OR5D14: variants seen among roughly 807,000 people sequenced by gnomAD.
The protein encoded by OR5D14 is olfactory receptor family 5 subfamily D member 14.
For synonymous variants in OR5D14, 187 were observed against 138.2 expected, an observed-to-expected ratio of 1.35 and a Z score of -2.48; for missense variants, 466 against 375.5, an observed-to-expected ratio of 1.24 and a Z score of -1.99.
Position 55,796,183 on chromosome 11 carries a change from A to G in OR5D14, c.628A>G (p.Met210Val), listed in dbSNP as rs1221422764. The G allele has an allele frequency of 3.1e-6, 5 of 1,613,826 alleles. No individual in the cohort carries two copies. Among genetic ancestry groups the G allele is most frequent in the Non-Finnish European group, 8.5e-7 (1 of 1,179,972 alleles). ...TTTCAGCTTCGCCACCTTCAATGAG[A>G]TGTGTACACTACTGATCATCCTCAC... ...LLFSFATFNE[M>V]CTLLIILTSY... The change falls in exon 1 of 1, where the codon ATG becomes GTG. Residue 210 changes from methionine to valine, a missense_variant. Transcript: ENST00000335605.
At position 55,795,630 on chromosome 11, in the gene OR5D14, T is replaced by G. The variant is rs1472084533; in HGVS notation, c.75T>G (p.Leu25=). 6.2e-7 allele frequency: 1 copy of G among 1,612,532 alleles called. No homozygotes were observed. Among genetic ancestry groups the G allele is most frequent in the Non-Finnish European group, 8.5e-7 (1 of 1,179,494 alleles). The change falls in exon 1 of 1, where the codon CTT becomes CTG. Residue 25 remains leucine, a synonymous_variant. Transcript: ENST00000335605. ...ALLGFTDYPK[L]QIPLFLVFLL... is the part of the protein sequence containing the mutation. ...TAGGTTTCACAGATTACCCAAAGCT[T>G]CAGATTCCTCTCTTCCTTGTGTTTC...
In OR5D14 at chr11:55,795,593, C is replaced by T. The variant is rs1187904282; in HGVS notation, c.38C>T (p.Thr13Ile). 6.2e-7 allele frequency: 1 copy of T among 1,609,574 alleles called. No homozygotes were observed. The highest frequency in any genetic ancestry group is 8.5e-7 in the Non-Finnish European group (1 of 1,178,164). Residue 13 changes from threonine to isoleucine, a missense_variant, in exon 1 of 1, where the codon ACC becomes ATC. Coordinates refer to ENST00000335605, the MANE Select transcript of OR5D14 (RefSeq NM_001004735.1). ...MVLRNLSMEP[T>I]FALLGFTDYP... ...TTAAGGAATCTGAGCATGGAGCCCA[C>T]CTTTGCCCTTTTAGGTTTCACAGAT...
rs763809695 is a variant in OR5D14, at chr11:55,795,738, G to A, written c.183G>A (p.Met61Ile). ...TTAACCCCAAATTTCACACTCCTAT[G>A]TACTTTTTCCTTAGTCACCTCTCTT... ...IKINPKFHTP[M>I]YFFLSHLSFV... Residue 61 changes from methionine to isoleucine, a missense_variant, in exon 1 of 1, where the codon ATG becomes ATA. By Grantham distance (10) the Met-to-Ile change is conservative (BLOSUM62 1). Transcript: ENST00000335605. 1.5e-5 allele frequency: 24 copies of A among 1,613,330 alleles called. No homozygotes were observed. The highest frequency in any genetic ancestry group is 7.7e-5 in the South Asian group (7 of 91,082).
rs145892725 is a variant in OR5D14, at chr11:55,795,926, G to C, written c.371G>C (p.Arg124Pro). The C allele has an allele frequency of 3.1e-6, 5 of 1,613,674 alleles. No individual in the cohort carries two copies. Among genetic ancestry groups the C allele is most frequent in the Non-Finnish European group, 4.2e-6 (5 of 1,179,970 alleles). Residue 124 changes from arginine (R) to proline (P), a missense_variant, in exon 1 of 1, where the codon CGC becomes CCC. Physicochemically the swap from Arg to Pro is moderately radical, Grantham distance 103 (BLOSUM62 -2). Coordinates refer to ENST00000335605, the MANE Select transcript of OR5D14 (RefSeq NM_001004735.1). ...TTGCTGGCAGTGATGGCCTATGACC[G>C]CTTTGTGGCCATCTGCAATCCTCTG... ...SFLLAVMAYD[R>P]FVAICNPLLY...
In OR5D14 at chr11:55,795,749, T is replaced by G; in HGVS notation, c.194T>G (p.Leu65Arg). 6.2e-7 allele frequency: 1 copy of G among 1,613,450 alleles called. No individual in the cohort carries two copies. Among genetic ancestry groups the G allele is most frequent in the Non-Finnish European group, 8.5e-7 (1 of 1,179,622 alleles). Reference sequence around the variant, plus strand: ...TTTCACACTCCTATGTACTTTTTCCTTAGTCACCTCTCTTTTGTTGATTTT... The same window carrying G: ...TTTCACACTCCTATGTACTTTTTCCGTAGTCACCTCTCTTTTGTTGATTTT... ...PKFHTPMYFFLSHLSFVDFCY... is the reference protein window; with the variant it reads ...PKFHTPMYFFRSHLSFVDFCY... The change falls in exon 1 of 1, where the codon CTT becomes CGT. Residue 65 changes from leucine to arginine, a missense_variant. Coordinates refer to ENST00000335605, the MANE Select transcript of OR5D14 (RefSeq NM_001004735.1).
Position 55,795,718 on chromosome 11 carries a change from C to A in OR5D14, c.163C>A (p.Pro55Thr), listed in dbSNP as rs539463555. Residue 55 changes from proline to threonine, a missense_variant, in exon 1 of 1, where the codon CCC becomes ACC. Coordinates refer to ENST00000335605, the MANE Select transcript of OR5D14 (RefSeq NM_001004735.1). ...GATGATCATAATAATCAAGATTAAC[C>A]CCAAATTTCACACTCCTATGTACTT... ...LGMIIIIKIN[P>T]KFHTPMYFFL... 1 of 1,613,300 alleles carries A rather than the reference C, an allele frequency of 6.2e-7. No individual in the cohort carries two copies. The highest frequency in any genetic ancestry group is 1.3e-5 in the African/African-American group (1 of 74,818).
At position 55,795,874 on chromosome 11, in the gene OR5D14, T is replaced by C; in HGVS notation, c.319T>C (p.Cys107Arg). ...CTGCATGATGCAGTACTTCCTGTCCTGCACTGCTGTGGTGACAGAGTCTTT... is the reference window on the plus strand; with the variant it reads ...CTGCATGATGCAGTACTTCCTGTCCCGCACTGCTGTGGTGACAGAGTCTTT... ...FSCMMQYFLS[C>R]TAVVTESFLL... The change falls in exon 1 of 1, where the codon TGC (cysteine) becomes CGC (arginine). Residue 107 changes from cysteine (C) to arginine (R), a missense_variant. Physicochemically the swap from Cys to Arg is radical, Grantham distance 180. Coordinates refer to ENST00000335605, the MANE Select transcript of OR5D14 (RefSeq NM_001004735.1). 1 of 1,613,896 alleles carries C rather than the reference T, an allele frequency of 6.2e-7. No individual in the cohort carries two copies. The highest frequency in any genetic ancestry group is 8.5e-7 in the Non-Finnish European group (1 of 1,179,924).
chr11:55,796,283 G>T lies in OR5D14; in HGVS notation c.728G>T (p.Trp243Leu), dbSNP rs757470649. 1 of 1,613,520 alleles carries T rather than the reference G, an allele frequency of 6.2e-7. No individual in the cohort carries two copies. The highest frequency in any genetic ancestry group is 1.1e-5 in the South Asian group (1 of 91,070). Residue 243 changes from tryptophan to leucine, a missense_variant, in exon 1 of 1, where the codon TGG becomes TTG. Coordinates refer to ENST00000335605, the MANE Select transcript of OR5D14 (RefSeq NM_001004735.1). ...GGGCGCCACAAAGCCTTCTCCACCT[G>T]GGCCTCCCACCTGACTTCTATCACC... The part of the protein sequence containing the change: ...VSGRHKAFST[W>L]ASHLTSITIF...
rs1477798202 is a variant in OR5D14, at chr11:55,796,381, GCCT to G, written c.828_830del (p.Ser277del). The G allele has an allele frequency of 1.2e-6, 2 of 1,613,572 alleles. No homozygotes were observed. The highest frequency in any genetic ancestry group is 1.7e-6 in the Non-Finnish European group (2 of 1,179,800). The stretch of plus-strand genomic sequence containing the variant: ...AAACTCTCGGCAAACAGTCAAAGTG[GCCT>G]CTGTATTTTACACAGTTGTCAACCC... On this transcript the variant is annotated inframe_deletion, in exon 1 of 1. Transcript: ENST00000335605.
rs764256582 is a variant in OR5D14 at position 55,796,272 on chromosome 11, C to T, written c.717C>T (p.Ala239=). 7.4e-6 allele frequency: 12 copies of T among 1,613,586 alleles called. No individual in the cohort carries two copies. Among genetic ancestry groups the T allele is most frequent in the Non-Finnish European group, 1.0e-5 (12 of 1,179,748 alleles). ...GTTCTGTTAGTGGGCGCCACAAAGCCTTCTCCACCTGGGCCTCCCACCTGA... is the reference window on the plus strand; with the variant it reads ...GTTCTGTTAGTGGGCGCCACAAAGCTTTCTCCACCTGGGCCTCCCACCTGA... ...KIRSVSGRHK[A]FSTWASHLTS... Residue 239 remains alanine (A), a synonymous_variant, in exon 1 of 1, where the codon GCC becomes GCT. Transcript: ENST00000335605.
chr11:55,795,936 C>T lies in OR5D14; in HGVS notation c.381C>T (p.Ala127=). Residue 127 remains alanine, a synonymous_variant, in exon 1 of 1, where the codon GCC becomes GCT. Coordinates refer to ENST00000335605, the MANE Select transcript of OR5D14 (RefSeq NM_001004735.1). ...LAVMAYDRFV[A]ICNPLLYTVA... ...TGATGGCCTATGACCGCTTTGTGGC[C>T]ATCTGCAATCCTCTGCTTTATACAG... 1 of 1,613,896 alleles carries T rather than the reference C, an allele frequency of 6.2e-7. No individual in the cohort carries two copies. Among genetic ancestry groups the T allele is most frequent in the African/African-American group, 1.3e-5 (1 of 74,872 alleles).
rs760442803 is a variant in OR5D14 at position 55,795,615 on chromosome 11, A to G, written c.60A>G (p.Thr20=). 5.6e-6 allele frequency: 9 copies of G among 1,612,048 alleles called. No homozygotes were observed. Among genetic ancestry groups the G allele is most frequent in the Non-Finnish European group, 7.6e-6 (9 of 1,179,396 alleles). ...CCACCTTTGCCCTTTTAGGTTTCAC[A>G]GATTACCCAAAGCTTCAGATTCCTC... ...MEPTFALLGF[T]DYPKLQIPLF... The change falls in exon 1 of 1, where the codon ACA becomes ACG. Residue 20 remains threonine (T), a synonymous_variant. Coordinates refer to ENST00000335605, the MANE Select transcript of OR5D14 (RefSeq NM_001004735.1).
Position 55,796,383 on chromosome 11 carries a change from C to A in OR5D14, c.828C>A (p.Ala276=), listed in dbSNP as rs777347901. Residue 276 remains alanine (A), a synonymous_variant, in exon 1 of 1, where the codon GCC becomes GCA. Transcript: ENST00000335605. The part of the protein sequence containing the change: ...SKNSRQTVKV[A]SVFYTVVNPM... The stretch of plus-strand genomic sequence containing the variant: ...ACTCTCGGCAAACAGTCAAAGTGGC[C>A]TCTGTATTTTACACAGTTGTCAACC... 1.5e-5 allele frequency: 25 copies of A among 1,613,702 alleles called. No individual in the cohort carries two copies. Among genetic ancestry groups the A allele is most frequent in the Non-Finnish European group, 2.1e-5 (25 of 1,179,780 alleles).
rs562441440 is a variant in OR5D14 at position 55,795,934 on chromosome 11, G to A, written c.379G>A (p.Ala127Thr). Residue 127 changes from alanine to threonine, a missense_variant, in exon 1 of 1, where the codon GCC becomes ACC. Transcript: ENST00000335605. ...LAVMAYDRFV[A>T]ICNPLLYTVA... Reference sequence around the variant, plus strand: ...AGTGATGGCCTATGACCGCTTTGTGGCCATCTGCAATCCTCTGCTTTATAC... The same window carrying A: ...AGTGATGGCCTATGACCGCTTTGTGACCATCTGCAATCCTCTGCTTTATAC... 1 of 1,613,862 alleles carries A rather than the reference G, an allele frequency of 6.2e-7. No homozygotes were observed. Among genetic ancestry groups the A allele is most frequent in the Non-Finnish European group, 8.5e-7 (1 of 1,180,000 alleles).
In OR5D14 at chr11:55,795,886, G is replaced by T. The variant is rs145501127; in HGVS notation, c.331G>T (p.Val111Leu). The change falls in exon 1 of 1, where the codon GTG becomes TTG. Residue 111 changes from valine to leucine, a missense_variant. Val to Leu is a conservative substitution (Grantham distance 32, BLOSUM62 1). Coordinates refer to ENST00000335605, the MANE Select transcript of OR5D14 (RefSeq NM_001004735.1). ...GTACTTCCTGTCCTGCACTGCTGTG[G>T]TGACAGAGTCTTTCTTGCTGGCAGT... ...MQYFLSCTAV[V>L]TESFLLAVMA... 8 of 1,613,830 alleles carry T rather than the reference G, an allele frequency of 5.0e-6. No individual in the cohort carries two copies. The Admixed American group carries it at 1.2e-4, about 24-fold the overall frequency.
Position 55,795,794 on chromosome 11 carries a change from C to A in OR5D14, c.239C>A (p.Thr80Asn), listed in dbSNP as rs367940588. The change falls in exon 1 of 1, where the codon ACT becomes AAT. Residue 80 changes from threonine to asparagine, a missense_variant. Physicochemically the swap from Thr to Asn is moderately conservative, Grantham distance 65. Coordinates refer to ENST00000335605, the MANE Select transcript of OR5D14 (RefSeq NM_001004735.1). ...FVDFCYSSIVTPKLLENLVMA... is the reference protein window; with the variant it reads ...FVDFCYSSIVNPKLLENLVMA... ...GATTTTTGTTACTCTTCCATTGTCA[C>A]TCCCAAGCTGCTTGAGAACTTGGTA... 30 of 1,613,396 alleles carry A rather than the reference C, an allele frequency of 1.9e-5. No individual in the cohort carries two copies. The highest frequency in any genetic ancestry group is 1.6e-4 in the Middle Eastern group (1 of 6,080).
Position 55,796,300 on chromosome 11 carries a change from T to G in OR5D14, c.745T>G (p.Ser249Ala), listed in dbSNP as rs297054. The G allele has an allele frequency of 1, 1,605,986 of 1,613,798 alleles. 799,484 individuals are homozygous for G. Among genetic ancestry groups the G allele is most frequent in the East Asian group, 1 (44,882 of 44,882 alleles). The stretch of plus-strand genomic sequence containing the variant: ...CTCCACCTGGGCCTCCCACCTGACT[T>G]CTATCACCATCTTCCATGGGACCAT... ...AFSTWASHLT[S>A]ITIFHGTILF... is the part of the protein sequence containing the mutation. Residue 249 changes from serine (S) to alanine (A), a missense_variant, in exon 1 of 1, where the codon TCT becomes GCT. Transcript: ENST00000335605.
chr11:55,796,367 A>G lies in OR5D14; in HGVS notation c.812A>G (p.Gln271Arg). The change falls in exon 1 of 1, where the codon CAA becomes CGA. Residue 271 changes from glutamine (Q) to arginine (R), a missense_variant. Gln to Arg is a conservative substitution (Grantham distance 43). Transcript: ENST00000335605. ...YCVPNSKNSR[Q>R]TVKVASVFYT... is the part of the protein sequence containing the mutation. ...GTACCCAACTCCAAAAACTCTCGGC[A>G]AACAGTCAAAGTGGCCTCTGTATTT... The G allele has an allele frequency of 6.2e-7, 1 of 1,613,868 alleles. No homozygotes were observed. Among genetic ancestry groups the G allele is most frequent in the East Asian group, 2.2e-5 (1 of 44,874 alleles).
chr11:55,795,817 G>A lies in OR5D14; in HGVS notation c.262G>A (p.Val88Ile), dbSNP rs1853517275. Residue 88 changes from valine to isoleucine, a missense_variant, in exon 1 of 1, where the codon GTA (valine) becomes ATA (isoleucine). By Grantham distance (29) the Val-to-Ile change is conservative (BLOSUM62 3). Transcript: ENST00000335605. ...IVTPKLLENL[V>I]MADKSIFYFS... is the part of the protein sequence containing the mutation. ...CACTCCCAAGCTGCTTGAGAACTTG[G>A]TAATGGCAGATAAAAGCATCTTCTA... 1 of 1,613,826 alleles carries A rather than the reference G, an allele frequency of 6.2e-7. No individual in the cohort carries two copies. Among genetic ancestry groups the A allele is most frequent in the South Asian group, 1.1e-5 (1 of 91,078 alleles).
Sources: gnomAD v4.1 joint callset for allele counts on GRCh38, gnomAD v4.1.1 for gene constraint, MANE v1.5 for transcripts, NCBI Gene and HGNC (gene_info 2026-07-23, HGNC 2026-07-21) for gene names.